The following MAD1L1 variants were observed in gnomAD, a reference collection of about 807,000 sequenced individuals.
MAD1L1 encodes the protein mitotic spindle assembly checkpoint protein MAD1.
In MAD1L1, 95 loss-of-function variants were observed where a neutral mutation model predicts 96.9. The observed-to-expected ratio is 0.98, with a 90% confidence interval of 0.83 to 1.16. The LOEUF (loss-of-function observed/expected upper bound fraction) is 1.16. MAD1L1 is among the 50% of genes most tolerant of loss of function. The pLI is 0.00. For synonymous variants in MAD1L1, 473 were observed against 396.6 expected, an observed-to-expected ratio of 1.19 and a Z score of -2.29; for missense variants, 1,007 against 954.4, an observed-to-expected ratio of 1.06 and a Z score of -0.73.
intron 11 of MAD1L1, among the ~76,000 whole-genome samples, chr7:2,113,829 T>C (rs1787510367): frequency 6.6e-6 from 1 of 152,124 alleles, no homozygotes; most frequent in Non-Finnish European, 1.5e-5. Flanking sequence ...ATGTATAACA[T>C]CAGACTCGCT....
Position 1,936,904 on chromosome 7 carries a change from G to A in MAD1L1, c.1597-7C>T. The A allele has an allele frequency of 6.3e-7, 1 of 1,582,846 alleles. No individual in the cohort carries two copies. Among genetic ancestry groups the A allele is most frequent in the South Asian group, 1.1e-5 (1 of 87,180 alleles). On this transcript the variant is annotated splice_region_variant and splice_polypyrimidine_tract_variant and intron_variant, in intron 16 of 18. Transcript: ENST00000265854. ...TGCTCTGGTCATAGTCACCCTGCAGGAACACACACAGCACAGGTCACCATG... is the reference window on the plus strand; with the variant it reads ...TGCTCTGGTCATAGTCACCCTGCAGAAACACACACAGCACAGGTCACCATG...
At chr7:2,100,074 A>G (rs1423185422) in intron 11 of MAD1L1, among the ~76,000 whole-genome samples, 3 of 152,246 alleles carry the variant, frequency 2.0e-5, no homozygotes, top group African/African-American at 7.2e-5. Context: ...TGGGCATTTA[A>G]TAACTACCTG....
intron 18 of MAD1L1, among the ~76,000 whole-genome samples, chr7:1,826,177 G>A (rs539409979): frequency 6.6e-6 from 1 of 152,260 alleles, no homozygotes; most frequent in South Asian, 2.1e-4. Context: ...CTCTGCACAG[G>A]AGTCTCAGGT....
Position 1,983,632 on chromosome 7 carries a change from C to A in MAD1L1, c.1417-3091G>T, listed in dbSNP as rs547918439. Among the ~76,000 whole-genome samples, 5 of 152,310 alleles carry A rather than the reference C, an allele frequency of 3.3e-5. No individual in the cohort carries two copies. In the South Asian group the frequency reaches 6.2e-4, roughly 19 times the overall value. On this transcript the variant is annotated intron_variant, in intron 14 of 18. Transcript: ENST00000265854. Reference sequence around the variant, plus strand: ...CCCATCGAGGTATACATAATTTACACGCAGTAAACTTCTCAATCTTATGTG... The same window carrying A: ...CCCATCGAGGTATACATAATTTACAAGCAGTAAACTTCTCAATCTTATGTG...
chr7:1,951,879 G>A (rs561838586), intron 16 of MAD1L1, among the ~76,000 whole-genome samples: 7 of 152,284 alleles, frequency 4.6e-5, no homozygotes, highest in South Asian at 2.1e-4. Flanking sequence ...CTGGGCTACC[G>A]TGAGCGAGGC....
intron 18 of MAD1L1, among the ~76,000 whole-genome samples, chr7:1,874,699 G>C (rs1009952801): frequency 1.3e-5 from 2 of 152,088 alleles, no homozygotes; most frequent in African/African-American, 4.8e-5. Flanking sequence ...GCTCGATTGG[G>C]GCCTTGTGTG....
chr7:1,913,295 G>A (rs2128451554), intron 17 of MAD1L1, among the ~76,000 whole-genome samples: 1 of 151,830 alleles, frequency 6.6e-6, no homozygotes, highest in South Asian at 2.1e-4. Flanking sequence ...GCAGGGTTCT[G>A]GGCGGGGTGG....
Position 1,912,200 on chromosome 7 carries a change from C to T in MAD1L1, c.1808-13810G>A, listed in dbSNP as rs530820971. ...GTACAGACCCCAGAACCAGCCAGCTCCGTGTGTGTCAGCAGTGGAAACCGC... is the reference window on the plus strand; with the variant it reads ...GTACAGACCCCAGAACCAGCCAGCTTCGTGTGTGTCAGCAGTGGAAACCGC... On this transcript the variant is annotated intron_variant, in intron 17 of 18. Coordinates refer to ENST00000265854, the MANE Select transcript of MAD1L1 (RefSeq NM_001013836.2). Among the ~76,000 whole-genome samples, 4 of 152,292 alleles carry T rather than the reference C, an allele frequency of 2.6e-5. No homozygotes were observed. The East Asian group carries it at 5.8e-4, about 22-fold the overall frequency.
At chr7:2,143,677 A>G (rs1789154683) in intron 11 of MAD1L1, among the ~76,000 whole-genome samples, 1 of 152,022 alleles carries the variant, frequency 6.6e-6, no homozygotes, top group South Asian at 2.1e-4. Flanking sequence ...GGCACCTGGA[A>G]GCACCACACG....
intron 17 of MAD1L1, among the ~76,000 whole-genome samples, chr7:1,933,151 G>A (rs921761506): frequency 5.9e-5 from 9 of 152,126 alleles, no homozygotes; most frequent in African/African-American, 1.9e-4. Flanking sequence ...TTCCCTGCTC[G>A]TTTCCTGTCC....
intron 17 of MAD1L1, among the ~76,000 whole-genome samples, chr7:1,933,373 A>G (rs1453578364): frequency 6.6e-6 from 1 of 152,180 alleles, no homozygotes; most frequent in Non-Finnish European, 1.5e-5. Context: ...ACCATAGCCT[A>G]CAGGGTCACA....
intron 18 of MAD1L1, chr7:1,846,829 G>A (rs939056175): frequency 9.8e-6 from 2 of 203,884 alleles, no homozygotes; most frequent in Admixed American, 5.3e-5. Context: ...GATGCAATTT[G>A]CGTGTGCAAG....
At chr7:2,123,918 C>T (rs1788104503) in intron 11 of MAD1L1, among the ~76,000 whole-genome samples, 1 of 152,226 alleles carries the variant, frequency 6.6e-6, no homozygotes, top group African/African-American at 2.4e-5. Flanking sequence ...CCAAATACAC[C>T]AGAGTCCTGC....
intron 18 of MAD1L1, among the ~76,000 whole-genome samples, chr7:1,830,690 C>T (rs972632373): frequency 1.3e-5 from 2 of 152,144 alleles, no homozygotes; most frequent in Non-Finnish European, 2.9e-5. Context: ...AAGGCGGTGT[C>T]GTATCATTCG....
At chr7:1,849,073 CAA>C (rs1472543687) in intron 18 of MAD1L1, 10 of 147,336 alleles carry the variant, frequency 6.8e-5, no homozygotes, top group Admixed American at 1.4e-4. Context: ...CACACACACA[CAA>C]ATGCACATGC....
chr7:1,919,502 G>C (rs1562524462), intron 17 of MAD1L1, among the ~76,000 whole-genome samples: 1 of 152,240 alleles, frequency 6.6e-6, no homozygotes, highest in African/African-American at 2.4e-5. Context: ...TGGGGAATGG[G>C]CTCATTGGGA....
intron 7 of MAD1L1, 51 bp from the exon 8 acceptor site, chr7:2,216,338 C>G (rs1415583602): frequency 6.3e-7 from 1 of 1,584,610 alleles, no homozygotes; most frequent in East Asian, 2.3e-5. Flanking sequence ...CACGAAGAGA[C>G]CTGGAGAAAA....
intron 11 of MAD1L1, among the ~76,000 whole-genome samples, chr7:2,113,588 A>G (rs916515662): frequency 6.6e-5 from 10 of 152,160 alleles, no homozygotes; most frequent in Non-Finnish European, 1.5e-4. Context: ...TCAAAAAAAT[A>G]AAATAAAATA....
At chr7:1,849,727 G>C (rs1783858878) in intron 18 of MAD1L1, 1 of 152,246 alleles carries the variant, frequency 6.6e-6, no homozygotes, top group African/African-American at 2.4e-5. Flanking sequence ...CTGGGGTACA[G>C]GGGAGGCTGG....
Sources: allele counts gnomAD v4.1 joint callset (sites outside exome capture counted in the v4.1 genomes callset), GRCh38; gene constraint gnomAD v4.1.1; transcripts MANE v1.5; gene names NCBI Gene and HGNC (gene_info 2026-07-23, HGNC 2026-07-21).